The following BMP2K variants were observed in gnomAD, a reference collection of about 807,000 sequenced individuals.
BMP2K encodes the protein BMP-2-inducible protein kinase.
In BMP2K, 74 loss-of-function variants were observed where a neutral mutation model predicts 116.0. That is an observed-to-expected ratio of 0.64 (90% CI 0.53 to 0.77). BMP2K has a LOEUF of 0.77. Among genes scored for constraint, BMP2K ranks in the 30% least tolerant of loss-of-function variants. The pLI is 0.00. For synonymous variants in BMP2K, 486 were observed against 502.5 expected, an observed-to-expected ratio of 0.97 and a Z score of 0.44; for missense variants, 1,365 against 1,403.6, an observed-to-expected ratio of 0.97 and a Z score of 0.44.
chr4:78,845,863 C>T (rs541822660), intron 5 of BMP2K, among the ~76,000 whole-genome samples: 1 of 151,606 alleles, frequency 6.6e-6, no homozygotes, highest in African/African-American at 2.4e-5. Context: ...TTTACTCTGG[C>T]CCATTTGTAT....
At chr4:78,834,325 G>A (rs1434434338) in intron 3 of BMP2K, among the ~76,000 whole-genome samples, 2 of 150,434 alleles carry the variant, frequency 1.3e-5, no homozygotes, top group East Asian at 2.0e-4. Context: ...GCAGTGGTGC[G>A]ATCTCGGCTC....
Position 78,890,404 on chromosome 4 carries a change from G to GCACA in BMP2K, c.2062+3140_2062+3143dup, listed in dbSNP as rs149825379. On this transcript the variant is annotated intron_variant, in intron 15 of 15. Transcript: ENST00000502613. ...CCGCCTCACACATACACAATCATGCGCACACACACACACACACACACACGT... is the reference window on the plus strand; with the variant it reads ...CCGCCTCACACATACACAATCATGCGCACACACACACACACACACACACACACGT... 1.0e-3 allele frequency among the ~76,000 whole-genome samples: 150 copies of GCACA among 148,064 alleles called. 1 individual carries two copies. Among genetic ancestry groups the GCACA allele is most frequent in the Middle Eastern group, 3.5e-3 (1 of 288 alleles).
chr4:78,836,333 C>T (rs1414696873), intron 3 of BMP2K, among the ~76,000 whole-genome samples: 5 of 151,728 alleles, frequency 3.3e-5, no homozygotes, highest in Admixed American at 6.6e-5. Flanking sequence ...AGGAGAATGG[C>T]GTGAACCGGG....
At position 78,878,777 on chromosome 4, in the gene BMP2K, A is replaced by T; in HGVS notation, c.1837A>T (p.Lys613Ter). 6.2e-7 allele frequency: 1 copy of T among 1,612,890 alleles called. No individual in the cohort carries two copies. The highest frequency in any genetic ancestry group is 8.5e-7 in the Non-Finnish European group (1 of 1,179,658). ...GGCCATTGCAAATTTCACAAATCAG[A>T]AGAACATCAGCAATCCACCTGATAT... ...KEAIANFTNQ[K>*]NISNPPDMSG... The change falls in exon 14 of 16, where the codon AAG (lysine) becomes TAG (stop). Residue 613 changes from lysine (K) to a stop codon, truncating the protein, a stop_gained. Transcript: ENST00000502613. LOFTEE classifies it high-confidence loss of function.
rs115118633 is a variant in BMP2K, at chr4:78,794,211, T to A, written c.178+17490T>A. 4.6e-3 allele frequency among the ~76,000 whole-genome samples: 690 copies of A among 150,928 alleles called. 2 individuals are homozygous for A. Among genetic ancestry groups the A allele is most frequent in the African/African-American group, 0.016 (653 of 41,446 alleles). ...GGGGAATCCCTTTCTGACAATTTGG[T>A]AGGCTGAGTGAAATCTGTGTTGCTG... On this transcript the variant is annotated intron_variant, in intron 1 of 15. Coordinates refer to ENST00000502613, the MANE Select transcript of BMP2K (RefSeq NM_198892.2).
In BMP2K at chr4:78,910,862, TTAA is replaced by T. The variant is rs1553922504; in HGVS notation, c.2317_2319del (p.Asn773del). On this transcript the variant is annotated inframe_deletion, in exon 16 of 16. Coordinates refer to ENST00000502613, the MANE Select transcript of BMP2K (RefSeq NM_198892.2). ...GTTCTTCAGGGGGAACAAGGAGATTTTAATGATGATGATACTGAACCAGAAAAT... is the reference window on the plus strand; with the variant it reads ...GTTCTTCAGGGGGAACAAGGAGATTTTGATGATGATACTGAACCAGAAAAT... 1.2e-6 allele frequency: 2 copies of T among 1,613,936 alleles called. No individual in the cohort carries two copies. Among genetic ancestry groups the T allele is most frequent in the African/African-American group, 2.7e-5 (2 of 75,012 alleles).
chr4:78,837,942 A>G (rs1180973594), intron 3 of BMP2K, among the ~76,000 whole-genome samples: 3 of 152,122 alleles, frequency 2.0e-5, no homozygotes, highest in Non-Finnish European at 4.4e-5. Flanking sequence ...GTGGCCAGCT[A>G]ATGTTAGTTT....
chr4:78,896,632 C>T (rs1032640638), intron 15 of BMP2K, among the ~76,000 whole-genome samples: 1 of 152,132 alleles, frequency 6.6e-6, no homozygotes, highest in African/African-American at 2.4e-5. Flanking sequence ...AGTGAGATCT[C>T]AACTATGAGA....
At chr4:78,876,030 G>A (rs566907287) in intron 13 of BMP2K, among the ~76,000 whole-genome samples, 1 of 152,274 alleles carries the variant, frequency 6.6e-6, no homozygotes, top group African/African-American at 2.4e-5. Flanking sequence ...TTCACCCTTC[G>A]AAGGGAGGAA....
intron 1 of BMP2K, among the ~76,000 whole-genome samples, chr4:78,824,218 T>C (rs998930593): frequency 6.6e-6 from 1 of 152,166 alleles, no homozygotes. Context: ...AAATGGAAGT[T>C]GTAGAGAATC....
intron 15 of BMP2K, among the ~76,000 whole-genome samples, chr4:78,909,363 AT>A (rs936033561): frequency 9.0e-5 from 5 of 55,572 alleles, no homozygotes; most frequent in African/African-American, 2.2e-4. Context: ...TAGAGCAGTC[AT>A]TTTTTTTTAT....
chr4:78,838,813 G>T (rs1400844277), intron 3 of BMP2K, among the ~76,000 whole-genome samples: 1 of 152,140 alleles, frequency 6.6e-6, no homozygotes, highest in Admixed American at 6.5e-5. Context: ...CTTCTGTCAA[G>T]TGTAATCATC....
rs774559559 is a variant in BMP2K at position 78,870,976 on chromosome 4, ACAGCAACAGCAG to A, written c.1431_1442del (p.Gln483_Gln486del). On this transcript the variant is annotated inframe_deletion, in exon 11 of 16. Transcript: ENST00000502613. ...AGCAACAGCAACAGCAGCAGCAGCA[ACAGCAACAGCAG>A]CAGCAGCAGCAGCAGCAGCAGCACC... is the stretch of plus-strand genomic sequence containing the variant. 8 of 1,608,454 alleles carry A rather than the reference ACAGCAACAGCAG, an allele frequency of 5.0e-6. No individual in the cohort carries two copies. Among genetic ancestry groups the A allele is most frequent in the Non-Finnish European group, 5.9e-6 (7 of 1,177,932 alleles).
At chr4:78,889,478 A>G (rs1733307132) in intron 15 of BMP2K, among the ~76,000 whole-genome samples, 1 of 152,170 alleles carries the variant, frequency 6.6e-6, no homozygotes. Flanking sequence ...ATATATTGCT[A>G]CTTATTATAA....
chr4:78,819,061 G>T (rs1485261282), intron 1 of BMP2K, among the ~76,000 whole-genome samples: 1 of 152,064 alleles, frequency 6.6e-6, no homozygotes, highest in Admixed American at 6.5e-5. Context: ...CCTGGTAAGT[G>T]AGTAGGCATA....
intron 1 of BMP2K, among the ~76,000 whole-genome samples, chr4:78,794,746 A>G (rs1728171133): frequency 6.6e-6 from 1 of 152,088 alleles, no homozygotes; most frequent in South Asian, 2.1e-4. Context: ...AAATTTTTAT[A>G]AAGACGAGGT....
rs1734596783 is a variant in BMP2K, at chr4:78,911,443, C to A, written c.2896C>A (p.Gln966Lys). ...GCCCTTTGATGAAATAACGGGGAGCCAGCAGCAAAAAGTCAAACAGCGCAG... is the reference window on the plus strand; with the variant it reads ...GCCCTTTGATGAAATAACGGGGAGCAAGCAGCAAAAAGTCAAACAGCGCAG... ...LVPFDEITGS[Q>K]QQKVKQRSLQ... Residue 966 changes from glutamine (Q) to lysine (K), a missense_variant, in exon 16 of 16, where the codon CAG becomes AAG. Gln to Lys is a moderately conservative substitution (Grantham distance 53). Transcript: ENST00000502613. The A allele has an allele frequency of 6.2e-7, 1 of 1,613,968 alleles. No individual in the cohort carries two copies. The highest frequency in any genetic ancestry group is 8.5e-7 in the Non-Finnish European group (1 of 1,179,896).
At chr4:78,801,831 A>G (rs1253974620) in intron 1 of BMP2K, among the ~76,000 whole-genome samples, 3 of 152,170 alleles carry the variant, frequency 2.0e-5, no homozygotes, top group African/African-American at 7.2e-5. Context: ...TTCTTATGAT[A>G]TGACATTGTT....
At chr4:78,793,133 C>T (rs1420308071) in intron 1 of BMP2K, among the ~76,000 whole-genome samples, 4 of 151,948 alleles carry the variant, frequency 2.6e-5, no homozygotes, top group East Asian at 1.9e-4. Flanking sequence ...TTATGTAGGC[C>T]GGGTGCGGTG....
Sources: gnomAD v4.1 joint callset for allele counts (sites outside exome capture counted in the v4.1 genomes callset) on GRCh38, gnomAD v4.1.1 for gene constraint, MANE v1.5 for transcripts, NCBI Gene and HGNC (gene_info 2026-07-23, HGNC 2026-07-21) for gene names.